Variants in TSHZ2 observed in about 807,000 individuals in gnomAD.
TSHZ2 encodes teashirt homolog 2.
TSHZ2 carries 21 observed loss-of-function variants against 74.4 expected under a neutral mutation model. That is an observed-to-expected ratio of 0.28 (90% CI 0.20 to 0.41). The LOEUF is 0.41. Ranked by LOEUF, TSHZ2 falls within the 10% of genes least tolerant of loss-of-function variation. The pLI is 1.00. For synonymous variants in TSHZ2, 540 were observed against 515.3 expected (o/e 1.05, Z -0.65); for missense variants, 1,244 against 1,293.5 (o/e 0.96, Z 0.59).
intron 1 of TSHZ2, among the ~76,000 whole-genome samples, chr20:53,188,813 T>C (rs939889501): frequency 1.3e-5 from 2 of 152,350 alleles, no homozygotes; most frequent in Non-Finnish European, 1.5e-5. Flanking sequence ...GGTTCTTACG[T>C]ATATAAGAAC....
At chr20:53,231,989 A>T (rs559835051) in intron 1 of TSHZ2, among the ~76,000 whole-genome samples, 1 of 152,280 alleles carries the variant, frequency 6.6e-6, no homozygotes, top group South Asian at 2.1e-4. Context: ...GGCTCAAGCC[A>T]TCCTCCCACC....
intron 1 of TSHZ2, among the ~76,000 whole-genome samples, chr20:53,137,132 T>A (rs1987265267): frequency 6.6e-6 from 1 of 152,166 alleles, no homozygotes; most frequent in South Asian, 2.1e-4. Context: ...TTTCCCACTG[T>A]AGTTATCCTG....
At chr20:53,252,518 C>T (rs181343123) in intron 1 of TSHZ2, among the ~76,000 whole-genome samples, 1 of 152,366 alleles carries the variant, frequency 6.6e-6, no homozygotes, top group African/African-American at 2.4e-5. Flanking sequence ...CATTCCCCAT[C>T]TCCATTGATG....
At chr20:53,382,753 C>G (rs1256118016) in intron 2 of TSHZ2, among the ~76,000 whole-genome samples, 2 of 152,220 alleles carry the variant, frequency 1.3e-5, no homozygotes, top group African/African-American at 4.8e-5. Context: ...GTAACTGCTG[C>G]ACATGTGACT....
chr20:52,984,521 TG>T (rs1043183518), intron 1 of TSHZ2, among the ~76,000 whole-genome samples: 4 of 152,056 alleles, frequency 2.6e-5, no homozygotes, highest in African/African-American at 9.7e-5. Flanking sequence ...CTAGAGCTAC[TG>T]GGAGGAACAG....
chr20:53,156,668 G>T (rs1478220552), intron 1 of TSHZ2, among the ~76,000 whole-genome samples: 1 of 152,214 alleles, frequency 6.6e-6, no homozygotes, highest in Non-Finnish European at 1.5e-5. Context: ...ACTGAGGCTT[G>T]TGTAGCCCAG....
intron 1 of TSHZ2, among the ~76,000 whole-genome samples, chr20:52,987,681 A>T (rs1456870907): frequency 6.6e-6 from 1 of 152,192 alleles, no homozygotes; most frequent in East Asian, 1.9e-4. Flanking sequence ...TACAGCGAGG[A>T]AATGCATGCA....
At chr20:53,183,410 C>G (rs189746750) in intron 1 of TSHZ2, among the ~76,000 whole-genome samples, 2 of 152,316 alleles carry the variant, frequency 1.3e-5, no homozygotes, top group East Asian at 3.9e-4. Context: ...CTGGCCCATT[C>G]CCTTTGCCTG....
chr20:52,989,744 T>C (rs1043303850), intron 1 of TSHZ2, among the ~76,000 whole-genome samples: 2 of 152,158 alleles, frequency 1.3e-5, no homozygotes, highest in African/African-American at 4.8e-5. Context: ...TGTGCGTATC[T>C]TCCATTATTT....
chr20:53,328,748 C>T (rs961469546), intron 2 of TSHZ2, among the ~76,000 whole-genome samples: 2 of 152,140 alleles, frequency 1.3e-5, no homozygotes, highest in Non-Finnish European at 2.9e-5. Context: ...TAATTTTTAT[C>T]ATTAAGATAT....
chr20:53,460,620 C>T lies in TSHZ2; in HGVS notation c.*9-26524C>T, dbSNP rs548161537. ...CTGCGTTCCTTTGGAGGAGGAGAGGCGCTCTGCTTTTTAGAATTTCCAGTT... is the reference window on the plus strand; with the variant it reads ...CTGCGTTCCTTTGGAGGAGGAGAGGTGCTCTGCTTTTTAGAATTTCCAGTT... On this transcript the variant is annotated intron_variant, in intron 2 of 2. Transcript: ENST00000371497. Among the ~76,000 whole-genome samples, 1,413 of 152,298 alleles carry T rather than the reference C, an allele frequency of 9.3e-3. 21 individuals are homozygous for T. The highest frequency in any genetic ancestry group is 0.024 in the African/African-American group (992 of 41,554).
chr20:53,377,714 T>C (rs566909893), intron 2 of TSHZ2, among the ~76,000 whole-genome samples: 2 of 152,126 alleles, frequency 1.3e-5, no homozygotes, highest in Admixed American at 1.3e-4. Flanking sequence ...ATACAAAAAA[T>C]TAGCTGGGCA....
At chr20:53,455,852 T>C (rs1360888704) in intron 2 of TSHZ2, among the ~76,000 whole-genome samples, 42 of 151,900 alleles carry the variant, frequency 2.8e-4, no homozygotes, top group Middle Eastern at 3.4e-3. Flanking sequence ...AGAATGATGG[T>C]TTCCAATTTC....
chr20:53,422,517 GA>G (rs1568910625), intron 2 of TSHZ2, among the ~76,000 whole-genome samples: 1 of 152,042 alleles, frequency 6.6e-6, no homozygotes, highest in Non-Finnish European at 1.5e-5. Context: ...GAAGAGAGTT[GA>G]AAAAAATCTC....
At chr20:53,005,123 G>A (rs879619467) in intron 1 of TSHZ2, among the ~76,000 whole-genome samples, 2 of 151,956 alleles carry the variant, frequency 1.3e-5, no homozygotes, top group Non-Finnish European at 2.9e-5. Context: ...ACCAGCCTGG[G>A]CAACACGGTG....
At chr20:53,215,696 C>T (rs1212361929) in intron 1 of TSHZ2, among the ~76,000 whole-genome samples, 1 of 151,464 alleles carries the variant, frequency 6.6e-6, no homozygotes, top group Non-Finnish European at 1.5e-5. Context: ...GAGAGAAACC[C>T]CATCTCTACT....
intron 2 of TSHZ2, among the ~76,000 whole-genome samples, chr20:53,272,205 T>C (rs547165524): frequency 6.6e-6 from 1 of 152,122 alleles, no homozygotes; most frequent in Admixed American, 6.5e-5. Flanking sequence ...AGAGATAAGG[T>C]TTCACCATGT....
chr20:52,998,496 A>G (rs997489863), intron 1 of TSHZ2, among the ~76,000 whole-genome samples: 13 of 152,114 alleles, frequency 8.5e-5, no homozygotes, highest in Non-Finnish European at 1.5e-4. Context: ...TGGTCTAGTT[A>G]ATGCCTTCAC....
At chr20:53,161,752 G>A (rs953243547) in intron 1 of TSHZ2, among the ~76,000 whole-genome samples, 1 of 152,130 alleles carries the variant, frequency 6.6e-6, no homozygotes, top group African/African-American at 2.4e-5. Context: ...CTCAACACGT[G>A]GAGATTATAA....
Sources: gnomAD v4.1 joint callset for allele counts (sites outside exome capture counted in the v4.1 genomes callset) on GRCh38, gnomAD v4.1.1 for gene constraint, MANE v1.5 for transcripts, NCBI Gene and HGNC (gene_info 2026-07-23, HGNC 2026-07-21) for gene names.